The following TCF4 variants were observed in gnomAD, a reference collection of about 807,000 sequenced individuals.
TCF4 encodes transcription factor 4.
In TCF4, 3 loss-of-function variants were observed where a neutral mutation model predicts 82.1. That is an observed-to-expected ratio of 0.04 (90% CI 0.02 to 0.09). TCF4 has a LOEUF of 0.09. Among genes scored for constraint, TCF4 ranks in the 10% least tolerant of loss-of-function variants. The probability of loss-of-function intolerance (pLI) is 1.00; values close to 1 mark genes in which losing one functional copy is unlikely to be tolerated. For missense variants in TCF4, 518 were observed against 852.7 expected (o/e 0.61, Z 4.89); for synonymous variants, 276 against 309.6 (o/e 0.89, Z 1.14).
At chr18:55,270,560 G>C (rs1176169500) in intron 10 of TCF4, among the ~76,000 whole-genome samples, 2 of 152,072 alleles carry the variant, frequency 1.3e-5, no homozygotes, top group African/African-American at 2.4e-5. Flanking sequence ...TGACTATACT[G>C]AATTAAATTA....
At chr18:55,455,513 C>T (rs2095728792) in intron 5 of TCF4, among the ~76,000 whole-genome samples, 1 of 144,854 alleles carries the variant, frequency 6.9e-6, no homozygotes, top group Non-Finnish European at 1.5e-5. Flanking sequence ...TAACATCAAG[C>T]TGAAAGGTGT....
chr18:55,429,475 A>C (rs1207299728), intron 5 of TCF4, among the ~76,000 whole-genome samples: 1 of 152,222 alleles, frequency 6.6e-6, no homozygotes, highest in Admixed American at 6.5e-5. Context: ...TAAAAAGCCC[A>C]TTTGGGGCCG....
intron 8 of TCF4, among the ~76,000 whole-genome samples, chr18:55,294,860 T>C (rs904842031): frequency 2.0e-5 from 3 of 152,206 alleles, no homozygotes; most frequent in Non-Finnish European, 4.4e-5. Context: ...CCTCAGAGAA[T>C]CCTCCTGCCT....
chr18:55,344,424 T>C (rs531922388), intron 8 of TCF4, among the ~76,000 whole-genome samples: 1 of 152,294 alleles, frequency 6.6e-6, no homozygotes, highest in East Asian at 1.9e-4. Context: ...TAATTCTCTC[T>C]GGGTAAAGCA....
At chr18:55,428,410 C>T (rs1421646315) in intron 5 of TCF4, among the ~76,000 whole-genome samples, 1 of 152,212 alleles carries the variant, frequency 6.6e-6, no homozygotes, top group Non-Finnish European at 1.5e-5. Flanking sequence ...AACAGCTCTT[C>T]AACTGCAGAC....
chr18:55,573,655 T>C (rs2097499221), intron 3 of TCF4, among the ~76,000 whole-genome samples: 1 of 152,170 alleles, frequency 6.6e-6, no homozygotes, highest in Non-Finnish European at 1.5e-5. Flanking sequence ...CTCCTCCTCA[T>C]CTGTAAGACC....
chr18:55,427,623 T>G (rs1260828275), intron 5 of TCF4, among the ~76,000 whole-genome samples: 2 of 152,184 alleles, frequency 1.3e-5, no homozygotes, highest in African/African-American at 4.8e-5. Context: ...ATCTACATCA[T>G]GCTATTGTTG....
chr18:55,495,541 T>C (rs1162111647), intron 3 of TCF4: 1 of 152,156 alleles, frequency 6.6e-6, no homozygotes, highest in African/African-American at 2.4e-5. Context: ...TACAGTTTAG[T>C]TATTAAAAGA....
chr18:55,262,902 GT>G (rs1217992540), intron 11 of TCF4, among the ~76,000 whole-genome samples: 1 of 152,146 alleles, frequency 6.6e-6, no homozygotes, highest in Non-Finnish European at 1.5e-5. Context: ...TGCCTTCCGG[GT>G]TCAAGCAATT....
intron 6 of TCF4, chr18:55,351,268 G>A (rs1042937924): frequency 1.2e-5 from 5 of 402,236 alleles, no homozygotes; most frequent in East Asian, 1.1e-4. Context: ...GATGACTCAC[G>A]TTTTCATTTC....
rs1036347724 is a variant in TCF4, at chr18:55,232,425, A to C, written c.1649+84T>G. The stretch of plus-strand genomic sequence containing the variant: ...CTGTAAATTTACCTGCCAGGAAAAA[A>C]CTGAATAGTTTCTTCCCGTTCTGTT... On this transcript the variant is annotated intron_variant, in intron 17 of 19. Transcript: ENST00000354452. 3 of 1,532,114 alleles carry C rather than the reference A, an allele frequency of 2.0e-6. No homozygotes were observed. The African/African-American group carries it at 4.1e-5, about 21-fold the overall frequency. The allele number at this position is 1,532,114 out of a possible 1,614,324, so 94.9% of individuals were successfully genotyped here. A position where few individuals can be genotyped will look rare whatever the true frequency, so the allele number is the denominator to read the frequency against.
intron 5 of TCF4, among the ~76,000 whole-genome samples, chr18:55,458,871 G>C (rs575858066): frequency 4.0e-5 from 6 of 151,792 alleles, no homozygotes; most frequent in African/African-American, 1.2e-4. Context: ...ATACCCTCTC[G>C]CTCTGAGGGT....
intron 6 of TCF4, among the ~76,000 whole-genome samples, chr18:55,367,954 T>C (rs2087693259): frequency 6.6e-6 from 1 of 152,202 alleles, no homozygotes; most frequent in Non-Finnish European, 1.5e-5. Flanking sequence ...AAAGACAATG[T>C]AAAACTCTGT....
chr18:55,573,872 G>C (rs2097501791), intron 3 of TCF4, among the ~76,000 whole-genome samples: 1 of 152,174 alleles, frequency 6.6e-6, no homozygotes, highest in South Asian at 2.1e-4. Flanking sequence ...AGCTGCCAAA[G>C]TATTACCTGA....
At chr18:55,422,233 C>G (rs1327165428) in intron 5 of TCF4, 1 of 984,532 alleles carries the variant, frequency 1.0e-6, no homozygotes, top group Non-Finnish European at 1.2e-6. Flanking sequence ...AAGATCTAAG[C>G]CCAAATACGT....
intron 15 of TCF4, among the ~76,000 whole-genome samples, chr18:55,246,313 T>C (rs970201947): frequency 5.9e-5 from 9 of 152,096 alleles, no homozygotes; most frequent in Non-Finnish European, 1.0e-4. Flanking sequence ...CTTTGATTTA[T>C]TTAAAATTCA....
chr18:55,249,471 C>T (rs2054334821), intron 15 of TCF4, among the ~76,000 whole-genome samples: 1 of 152,140 alleles, frequency 6.6e-6, no homozygotes. Flanking sequence ...GTGAGTTGCA[C>T]ATGACTCCCC....
intron 3 of TCF4, among the ~76,000 whole-genome samples, chr18:55,531,217 C>T (rs1177396638): frequency 6.6e-6 from 1 of 151,930 alleles, no homozygotes; most frequent in African/African-American, 2.4e-5. Flanking sequence ...GCCTCCCAAA[C>T]TGCTGGGATT....
intron 6 of TCF4, among the ~76,000 whole-genome samples, chr18:55,367,414 C>A (rs1372558733): frequency 1.3e-5 from 2 of 152,204 alleles, no homozygotes; most frequent in East Asian, 3.8e-4. Flanking sequence ...ATGGCCAATA[C>A]TGGCTAAAGG....
Sources: allele counts gnomAD v4.1 joint callset (sites outside exome capture counted in the v4.1 genomes callset), GRCh38; gene constraint gnomAD v4.1.1; transcripts MANE v1.5; gene names NCBI Gene and HGNC (gene_info 2026-07-23, HGNC 2026-07-21).